Variants in SLIT2 observed in about 807,000 individuals in gnomAD.
SLIT2 encodes slit homolog 2 protein.
Under a neutral mutation model 185.7 loss-of-function variants are expected in SLIT2, and 41 were observed. That is an observed-to-expected ratio of 0.22 (90% CI 0.17 to 0.29). The LOEUF (loss-of-function observed/expected upper bound fraction) is 0.29. SLIT2 is among the 10% of genes least tolerant of loss of function. The probability of loss-of-function intolerance (pLI) is 1.00; values close to 1 mark genes in which losing one functional copy is unlikely to be tolerated. For synonymous variants in SLIT2, 693 were observed against 680.2 expected, an observed-to-expected ratio of 1.02 and a Z score of -0.29; for missense variants, 1,571 against 1,909.0, an observed-to-expected ratio of 0.82 and a Z score of 3.30.
intron 24 of SLIT2, 113 bp from the exon 25 acceptor site, chr4:20,550,714 G>A (rs562512444): frequency 2.7e-4 from 142 of 535,560 alleles, no homozygotes; most frequent in African/African-American, 2.4e-3. Flanking sequence ...TTTATAGACC[G>A]TCTTTTCTGC....
At chr4:20,595,038 C>T (rs17543582) in intron 30 of SLIT2, among the ~76,000 whole-genome samples, 1 of 152,122 alleles carries the variant, frequency 6.6e-6, no homozygotes, top group Non-Finnish European at 1.5e-5. Context: ...AGCCAAGACC[C>T]TTTACCACCA....
chr4:20,473,818 G>A (rs1715818116), intron 5 of SLIT2, among the ~76,000 whole-genome samples: 1 of 152,050 alleles, frequency 6.6e-6, no homozygotes, highest in African/African-American at 2.4e-5. Context: ...AACAAACAGA[G>A]AAAAGAGGGT....
intron 11 of SLIT2, 131 bp from the exon 12 acceptor site, chr4:20,519,251 T>C: frequency 1.6e-6 from 1 of 641,242 alleles, no homozygotes; most frequent in Non-Finnish European, 2.8e-6. Flanking sequence ...TGGAGTTTGT[T>C]TACTCAGCTA....
At chr4:20,325,941 C>G (rs1055826190) in intron 4 of SLIT2, among the ~76,000 whole-genome samples, 1 of 151,952 alleles carries the variant, frequency 6.6e-6, no homozygotes, top group African/African-American at 2.4e-5. Flanking sequence ...TTATTTAGCC[C>G]TTTCTCTGGC....
At chr4:20,618,207 G>C (rs1013662473) in intron 36 of SLIT2, among the ~76,000 whole-genome samples, 1 of 152,152 alleles carries the variant, frequency 6.6e-6, no homozygotes, top group Admixed American at 6.5e-5. Flanking sequence ...ATCAGAGCTC[G>C]CCTGGCCTCC....
At chr4:20,573,337 C>T (rs949924700) in intron 29 of SLIT2, 7 of 700,780 alleles carry the variant, frequency 1.0e-5, no homozygotes, top group Admixed American at 2.0e-5. Context: ...GATTTCACTG[C>T]GGGTACACAG....
chr4:20,335,101 C>T lies in SLIT2; in HGVS notation c.395+66220C>T, dbSNP rs531753069. Among the ~76,000 whole-genome samples, 43 of 152,246 alleles carry T rather than the reference C, an allele frequency of 2.8e-4. 1 individual carries two copies. Among genetic ancestry groups the T allele is most frequent in the African/African-American group, 8.7e-4 (36 of 41,546 alleles). On this transcript the variant is annotated intron_variant, in intron 4 of 36. Transcript: ENST00000504154. ...GAGAGAGAGCACAGTGTTACCAAAG[C>T]CCAGTGAGAGTTGATGTTGAGGAAT...
At chr4:20,394,013 G>A (rs1560384466) in intron 4 of SLIT2, among the ~76,000 whole-genome samples, 2 of 151,950 alleles carry the variant, frequency 1.3e-5, no homozygotes, top group Admixed American at 6.6e-5. Context: ...ATAAAAGCTG[G>A]CCATGGTGGT....
chr4:20,430,910 G>A (rs6447962), intron 4 of SLIT2, among the ~76,000 whole-genome samples: 35,905 of 151,952 alleles, frequency 0.24, 4,374 homozygotes, highest in Non-Finnish European at 0.27. Flanking sequence ...CGACACACAC[G>A]CTTGACACTC....
At chr4:20,564,948 C>T (rs183909216) in intron 26 of SLIT2, among the ~76,000 whole-genome samples, 163 of 151,846 alleles carry the variant, frequency 1.1e-3, no homozygotes, top group Non-Finnish European at 1.9e-3. Context: ...AGATATGGTC[C>T]GGTGGACATT....
chr4:20,559,260 G>A (rs60050424), intron 26 of SLIT2, among the ~76,000 whole-genome samples: 4,787 of 152,026 alleles, frequency 0.031, 290 homozygotes, highest in African/African-American at 0.1. Context: ...TAGATTGCAC[G>A]TATTTCAAAG....
chr4:20,315,002 C>T (rs1044934417), intron 4 of SLIT2, among the ~76,000 whole-genome samples: 13 of 72,912 alleles, frequency 1.8e-4, no homozygotes, highest in Admixed American at 1.8e-3. Context: ...TCTGTATTAC[C>T]TGTAATAAAA....
At chr4:20,491,718 T>A in intron 8 of SLIT2, 43 bp from the exon 9 acceptor site, 1 of 1,564,362 alleles carries the variant, frequency 6.4e-7, no homozygotes, top group Non-Finnish European at 8.7e-7. Flanking sequence ...ACAATTATGA[T>A]ATTCAGGAGG....
intron 34 of SLIT2, among the ~76,000 whole-genome samples, chr4:20,612,504 G>T (rs1439099467): frequency 6.6e-6 from 1 of 152,046 alleles, no homozygotes; most frequent in Non-Finnish European, 1.5e-5. Flanking sequence ...GCAGTCTCAA[G>T]GGTGACTCAG....
intron 4 of SLIT2, among the ~76,000 whole-genome samples, chr4:20,355,482 T>C (rs1577490091): frequency 6.6e-6 from 1 of 152,204 alleles, no homozygotes; most frequent in Admixed American, 6.5e-5. Context: ...AATATTCTCC[T>C]TATTGTTTTC....
intron 1 of SLIT2, 119 bp from the exon 2 acceptor site, chr4:20,256,553 A>G (rs1029921900): frequency 3.6e-6 from 2 of 560,556 alleles, no homozygotes; most frequent in Non-Finnish European, 6.4e-6. Context: ...CTTCCTACAT[A>G]CTTTGTATAC....
At chr4:20,521,265 A>C (rs748369161) in intron 12 of SLIT2, among the ~76,000 whole-genome samples, 10 of 152,202 alleles carry the variant, frequency 6.6e-5, no homozygotes, top group Non-Finnish European at 1.3e-4. Context: ...TCATTTCTAC[A>C]CTAAGGCTCA....
chr4:20,523,005 T>A (rs531562602), intron 12 of SLIT2, among the ~76,000 whole-genome samples: 10 of 151,864 alleles, frequency 6.6e-5, no homozygotes, highest in African/African-American at 2.4e-4. Flanking sequence ...GTAAAAGGAA[T>A]TGAGAGTGCT....
At chr4:20,556,659 T>TG (rs1418660066) in intron 26 of SLIT2, among the ~76,000 whole-genome samples, 1 of 151,934 alleles carries the variant, frequency 6.6e-6, no homozygotes, top group African/African-American at 2.4e-5. Context: ...AACACTACAG[T>TG]GGTCTCTAAG....
Sources: allele counts gnomAD v4.1 joint callset (sites outside exome capture counted in the v4.1 genomes callset), GRCh38; gene constraint gnomAD v4.1.1; transcripts MANE v1.5; gene names NCBI Gene and HGNC (gene_info 2026-07-23, HGNC 2026-07-21).